CR1L: variants seen among roughly 807,000 people sequenced by gnomAD.
CR1L encodes the protein complement component receptor 1-like protein.
CR1L carries 59 observed loss-of-function variants against 62.3 expected under a neutral mutation model. The ratio of observed to expected loss-of-function variants is 0.95; its 90% confidence interval spans 0.77 to 1.18. The LOEUF (loss-of-function observed/expected upper bound fraction) is 1.18. CR1L is among the 50% of genes most tolerant of loss of function. The pLI, the probability that CR1L is intolerant of heterozygous loss-of-function variation, is 0.00. For synonymous variants in CR1L, 279 were observed against 248.7 expected (o/e 1.12, Z -1.15); for missense variants, 700 against 702.8 (o/e 1.00, Z 0.04).
chr1:207,704,140 C>T (rs1664235102), intron 9 of CR1L, among the ~76,000 whole-genome samples: 1 of 152,136 alleles, frequency 6.6e-6, no homozygotes, highest in Non-Finnish European at 1.5e-5. Flanking sequence ...TCAACATTAA[C>T]AGGAGTTTGG....
rs373948496 is a variant in CR1L, at chr1:207,697,525, C to A, written c.885C>A (p.Val295=). The A allele has an allele frequency of 2.1e-5, 34 of 1,613,640 alleles. No homozygotes were observed. The highest frequency in any genetic ancestry group is 2.8e-5 in the Non-Finnish European group (33 of 1,179,716). The change falls in exon 6 of 12, where the codon GTC becomes GTA. Residue 295 remains valine (V), a synonymous_variant. Transcript: ENST00000508064. ...CSRVCQPPPD[V]LHAERTQRDK... ...CAGTATGTCAGCCACCTCCAGATGT[C>A]CTGCATGCTGAGCGTACCCAAAGGG...
At chr1:207,689,281 A>C (rs544992176) in intron 4 of CR1L, among the ~76,000 whole-genome samples, 9 of 152,164 alleles carry the variant, frequency 5.9e-5, no homozygotes, top group African/African-American at 2.2e-4. Context: ...TGATCTTTAA[A>C]GGGCAAACAA....
chr1:207,719,952 T>G (rs1654093573), intron 11 of CR1L, among the ~76,000 whole-genome samples: 1 of 152,236 alleles, frequency 6.6e-6, no homozygotes, highest in Non-Finnish European at 1.5e-5. Context: ...TCAACGGACC[T>G]AAATATATAA....
At chr1:207,646,897 A>T (rs1663135603) in intron 1 of CR1L, among the ~76,000 whole-genome samples, 1 of 152,166 alleles carries the variant, frequency 6.6e-6, no homozygotes, top group Non-Finnish European at 1.5e-5. Context: ...TACAGATTGT[A>T]CGTTGCATTT....
At chr1:207,665,382 A>G (rs1663501475) in intron 1 of CR1L, among the ~76,000 whole-genome samples, 1 of 149,230 alleles carries the variant, frequency 6.7e-6, no homozygotes, top group Non-Finnish European at 1.5e-5. Flanking sequence ...ATACTTGTGC[A>G]AATATATATG....
At chr1:207,678,832 G>A (rs553608228) in intron 3 of CR1L, among the ~76,000 whole-genome samples, 32 of 152,092 alleles carry the variant, frequency 2.1e-4, no homozygotes, top group Non-Finnish European at 3.8e-4. Flanking sequence ...AACCTGTAGG[G>A]ATGGATCCTT....
chr1:207,681,623 A>G (rs1047970106), intron 3 of CR1L, among the ~76,000 whole-genome samples: 1 of 152,212 alleles, frequency 6.6e-6, no homozygotes. Flanking sequence ...TCAGTACTAC[A>G]ACACTGAACA....
intron 1 of CR1L, among the ~76,000 whole-genome samples, chr1:207,660,425 T>A (rs1417897245): frequency 2.0e-5 from 3 of 152,210 alleles, no homozygotes; most frequent in African/African-American, 7.2e-5. Context: ...CCAACACACC[T>A]GCAGCTGAGG....
At chr1:207,706,556 GA>G (rs1328135654) in intron 9 of CR1L, among the ~76,000 whole-genome samples, 1 of 152,038 alleles carries the variant, frequency 6.6e-6, no homozygotes, top group African/African-American at 2.4e-5. Flanking sequence ...CAGGGATAGA[GA>G]AAAAAACTCA....
At position 207,705,528 on chromosome 1, in the gene CR1L, A is replaced by G. The variant is rs144090433; in HGVS notation, c.1329-2650A>G. Among the ~76,000 whole-genome samples the G allele has an allele frequency of 3.3e-5, 5 of 152,350 alleles. No individual in the cohort carries two copies. In the East Asian group the frequency reaches 9.6e-4, roughly 29 times the overall value. On this transcript the variant is annotated intron_variant, in intron 9 of 11. Coordinates refer to ENST00000508064, the MANE Select transcript of CR1L (RefSeq NM_175710.2). ...TAGGGGCTATGTTTGTGCCACCGCA[A>G]CAAACACAGAAAGGAAGCTTGTGGT...
intron 1 of CR1L, among the ~76,000 whole-genome samples, chr1:207,675,313 C>T (rs1426329906): frequency 2.0e-5 from 3 of 152,010 alleles, no homozygotes; most frequent in Non-Finnish European, 4.4e-5. Context: ...ATTCCAAATC[C>T]CTGAGAGGGT....
chr1:207,697,271 T>C (rs1287825373), intron 5 of CR1L, among the ~76,000 whole-genome samples: 3 of 152,180 alleles, frequency 2.0e-5, no homozygotes, highest in Non-Finnish European at 2.9e-5. Context: ...TGTAAAACAA[T>C]GAATTGGGGA....
At chr1:207,708,776 T>C in intron 10 of CR1L, 3 of 454,558 alleles carry the variant, frequency 6.6e-6, no homozygotes, top group Non-Finnish European at 1.3e-5. Flanking sequence ...TAATAAGGAA[T>C]ATAAAATGTG....
At position 207,708,206 on chromosome 1, in the gene CR1L, G is replaced by C. The variant is rs1664299508; in HGVS notation, c.1357G>C (p.Glu453Gln). The C allele has an allele frequency of 6.2e-7, 1 of 1,611,462 alleles. No individual in the cohort carries two copies. The highest frequency in any genetic ancestry group is 8.5e-7 in the Non-Finnish European group (1 of 1,179,466). ...GHRLIGHSSA[E>Q]CILSGNTAHW... is the part of the protein sequence containing the mutation. ...CCGACTCATTGGTCACTCATCTGCT[G>C]AATGTATCCTCTCGGGCAATACTGC... Residue 453 changes from glutamate to glutamine, a missense_variant, in exon 10 of 12, where the codon GAA becomes CAA. Physicochemically the swap from Glu to Gln is conservative, Grantham distance 29 (BLOSUM62 2). Transcript: ENST00000508064.
Position 207,723,389 on chromosome 1 carries a change from C to T in CR1L, c.1643-229C>T, listed in dbSNP as rs577314514. 4.7e-5 allele frequency among the ~76,000 whole-genome samples: 7 copies of T among 148,418 alleles called. No individual in the cohort carries two copies. In the South Asian group the frequency reaches 1.5e-3, roughly 32 times the overall value. On this transcript the variant is annotated intron_variant, in intron 11 of 11. Transcript: ENST00000508064. ...AGGTCGCAGTGAGGTTGCACCACTGCACTCCAGCCTGGCGACAGAGTGAGA... is the reference window on the plus strand; with the variant it reads ...AGGTCGCAGTGAGGTTGCACCACTGTACTCCAGCCTGGCGACAGAGTGAGA...
intron 1 of CR1L, among the ~76,000 whole-genome samples, chr1:207,663,542 A>G (rs1663459742): frequency 6.6e-6 from 1 of 152,008 alleles, no homozygotes; most frequent in Non-Finnish European, 1.5e-5. Context: ...GCCATCTGTC[A>G]CCCCTTTCTT....
intron 1 of CR1L, among the ~76,000 whole-genome samples, chr1:207,650,603 A>C (rs1287451185): frequency 1.3e-5 from 2 of 152,186 alleles, no homozygotes; most frequent in Admixed American, 1.3e-4. Flanking sequence ...GGTTTTAAAT[A>C]GATTGGATAG....
chr1:207,684,352 A>G (rs1415946774), intron 4 of CR1L, among the ~76,000 whole-genome samples: 1 of 152,192 alleles, frequency 6.6e-6, no homozygotes, highest in Non-Finnish European at 1.5e-5. Flanking sequence ...CACGAGATCA[A>G]CACATCCTCT....
At chr1:207,721,120 C>T (rs1036317125) in intron 11 of CR1L, among the ~76,000 whole-genome samples, 1 of 152,160 alleles carries the variant, frequency 6.6e-6, no homozygotes, top group African/African-American at 2.4e-5. Flanking sequence ...AAATATCTTT[C>T]TACTTTGGCA....
Sources: allele counts gnomAD v4.1 joint callset (sites outside exome capture counted in the v4.1 genomes callset), GRCh38; gene constraint gnomAD v4.1.1; transcripts MANE v1.5; gene names NCBI Gene and HGNC (gene_info 2026-07-23, HGNC 2026-07-21).